Variants in PTPRN2 observed in about 807,000 individuals in gnomAD.
PTPRN2 encodes the protein protein tyrosine phosphatase receptor type N2.
A neutral mutation model predicts 118.8 loss-of-function variants in PTPRN2; 74 were observed. The observed-to-expected ratio is 0.62, with a 90% CI of 0.52 to 0.76. PTPRN2 has a LOEUF of 0.76. Among genes scored for constraint, PTPRN2 ranks in the 30% least tolerant of loss-of-function variants. The pLI is 0.00. For synonymous variants in PTPRN2, 641 were observed against 608.0 expected (o/e 1.05, Z -0.80); for missense variants, 1,481 against 1,394.4 (o/e 1.06, Z -0.99).
intron 12 of PTPRN2, among the ~76,000 whole-genome samples, chr7:157,699,763 G>T (rs1225835870): frequency 6.6e-6 from 1 of 152,178 alleles, no homozygotes; most frequent in Non-Finnish European, 1.5e-5. Flanking sequence ...TGCGGAGCAG[G>T]TTCAGGGTAA....
At chr7:158,414,799 A>G (rs573219920) in intron 2 of PTPRN2, among the ~76,000 whole-genome samples, 31 of 152,334 alleles carry the variant, frequency 2.0e-4, no homozygotes, top group African/African-American at 6.3e-4. Flanking sequence ...AAGCTTCCGG[A>G]GCATCTCCAT....
Position 157,868,098 on chromosome 7 carries a change from T to A in PTPRN2, c.1788+30575A>T. ...CTGGGCAAGAGGCCCACATGCACCT[T>A]AGAAAGGGCCCGAAACAGTTCACGA... is the stretch of plus-strand genomic sequence containing the variant. On this transcript the variant is annotated intron_variant, in intron 12 of 22. Coordinates refer to ENST00000389418, the MANE Select transcript of PTPRN2 (RefSeq NM_002847.5). The surrounding 1 kb of genome is among the most constrained non-coding windows in gnomAD (Gnocchi z 5.2). 6.6e-6 allele frequency among the ~76,000 whole-genome samples: 1 copy of A among 152,272 alleles called. No individual in the cohort carries two copies. The highest frequency in any genetic ancestry group is 3.4e-3 in the Middle Eastern group (1 of 294).
chr7:157,621,687 C>T (rs578169735), intron 14 of PTPRN2, among the ~76,000 whole-genome samples, 178 bp from the exon 15 acceptor site: 4 of 152,370 alleles, frequency 2.6e-5, no homozygotes, highest in South Asian at 4.1e-4. Context: ...ACCATGCAAC[C>T]GTTAAGTGAA....
chr7:158,116,786 C>T (rs1292208205), intron 9 of PTPRN2, among the ~76,000 whole-genome samples: 2 of 152,096 alleles, frequency 1.3e-5, no homozygotes, highest in African/African-American at 2.4e-5. Context: ...AAATTAAAGA[C>T]CAGAATATTC....
At position 157,540,412 on chromosome 7, in the gene PTPRN2, G is replaced by A. The variant is rs987076024; in HGVS notation, c.*302C>T. On this transcript the variant is annotated 3_prime_UTR_variant, in exon 23 of 23. Coordinates refer to ENST00000389418, the MANE Select transcript of PTPRN2 (RefSeq NM_002847.5). ...CCTCGAACGTGCTGGCTACTGCATTGTTAACACAACTTCAACCAAGAAGGT... is the reference window on the plus strand; with the variant it reads ...CCTCGAACGTGCTGGCTACTGCATTATTAACACAACTTCAACCAAGAAGGT... The A allele has an allele frequency of 3.6e-6, 1 of 274,108 alleles. No individual in the cohort carries two copies. The highest frequency in any genetic ancestry group is 6.9e-6 in the Non-Finnish European group (1 of 144,640). The allele number at this position is 274,108 out of a possible 1,614,324, so 17.0% of individuals were successfully genotyped here. A position where few individuals can be genotyped will look rare whatever the true frequency, so the allele number is the denominator to read the frequency against.
chr7:157,928,099 A>G (rs1309930448), intron 11 of PTPRN2, among the ~76,000 whole-genome samples: 1 of 152,200 alleles, frequency 6.6e-6, no homozygotes, highest in African/African-American at 2.4e-5. Context: ...GCACTGTTGC[A>G]GCACTTTATG....
At chr7:158,455,914 C>A (rs879616976) in intron 2 of PTPRN2, among the ~76,000 whole-genome samples, 9 of 147,632 alleles carry the variant, frequency 6.1e-5, no homozygotes, top group Non-Finnish European at 1.2e-4. Flanking sequence ...AACATAACAG[C>A]ATGGACGCCA....
rs533324066 is a variant in PTPRN2, at chr7:158,268,287, G to A, written c.277+48532C>T. Among the ~76,000 whole-genome samples, 16 of 139,592 alleles carry A rather than the reference G, an allele frequency of 1.1e-4. No homozygotes were observed. The South Asian group carries it at 1.7e-3, about 15-fold the overall frequency. 91.6% of individuals were successfully genotyped at this position (139,592 alleles called of 152,430 possible). ...GGGTGTGAAATATCCCAGCCCAGAC[G>A]CGTGCACACGGGGCGGGTGTGAAAT... On this transcript the variant is annotated intron_variant, in intron 3 of 22. Coordinates refer to ENST00000389418, the MANE Select transcript of PTPRN2 (RefSeq NM_002847.5).
chr7:157,738,111 TCG>T (rs1177104419), intron 12 of PTPRN2, among the ~76,000 whole-genome samples: 1 of 152,226 alleles, frequency 6.6e-6, no homozygotes, highest in African/African-American at 2.4e-5. Flanking sequence ...TTAAGGCCTC[TCG>T]GTATTATACT....
At chr7:158,289,318 G>A (rs1799959107) in intron 3 of PTPRN2, among the ~76,000 whole-genome samples, 2 of 151,778 alleles carry the variant, frequency 1.3e-5, no homozygotes, top group African/African-American at 4.8e-5. Context: ...TGATCTTTTG[G>A]TGTTATCTCA....
chr7:157,685,798 C>A (rs1239256116), intron 12 of PTPRN2, among the ~76,000 whole-genome samples: 1 of 152,184 alleles, frequency 6.6e-6, no homozygotes, highest in Non-Finnish European at 1.5e-5. Flanking sequence ...CCCGGGTCCC[C>A]GCTGGGTCCC....
At position 157,825,350 on chromosome 7, in the gene PTPRN2, C is replaced by T. The variant is rs558389954; in HGVS notation, c.1788+73323G>A. Among the ~76,000 whole-genome samples, 12 of 152,240 alleles carry T rather than the reference C, an allele frequency of 7.9e-5. No individual in the cohort carries two copies. The South Asian group carries it at 1.7e-3, about 21-fold the overall frequency. On this transcript the variant is annotated intron_variant, in intron 12 of 22. Coordinates refer to ENST00000389418, the MANE Select transcript of PTPRN2 (RefSeq NM_002847.5). ...AGCAGCTCAGGGCTGAGGGCTGGAG[C>T]GGCAGGAGTAGAACACCTTGTTTCT...
rs1465673775 is a variant in PTPRN2 at position 157,619,895 on chromosome 7, C to T, written c.2344+1467G>A. 9.2e-5 allele frequency among the ~76,000 whole-genome samples: 14 copies of T among 152,272 alleles called. No homozygotes were observed. In the East Asian group the frequency reaches 1.7e-3, roughly 19 times the overall value. Reference sequence around the variant, plus strand: ...ACCAGTCTGATCCCTTGACCGGCTCCGAAGGGTTGAGGCAGGGACACAGTG... The same window carrying T: ...ACCAGTCTGATCCCTTGACCGGCTCTGAAGGGTTGAGGCAGGGACACAGTG... On this transcript the variant is annotated intron_variant, in intron 15 of 22. Coordinates refer to ENST00000389418, the MANE Select transcript of PTPRN2 (RefSeq NM_002847.5). This position sits in a 1 kb window ranked among gnomAD's most constrained non-coding sequence, Gnocchi z 5.3.
At chr7:157,737,415 G>C (rs1189205944) in intron 12 of PTPRN2, among the ~76,000 whole-genome samples, 1 of 152,258 alleles carries the variant, frequency 6.6e-6, no homozygotes, top group Non-Finnish European at 1.5e-5. Flanking sequence ...CACGTGTGCT[G>C]TGAGTGAGCC....
At chr7:158,138,589 G>T in intron 6 of PTPRN2, 74 bp from the exon 7 acceptor site, 1 of 1,424,452 alleles carries the variant, frequency 7.0e-7, no homozygotes, top group Admixed American at 1.8e-5. Flanking sequence ...AGACCATAGG[G>T]GTGTGGTGGG....
chr7:157,891,986 G>C (rs1796836227), intron 12 of PTPRN2, among the ~76,000 whole-genome samples: 1 of 152,218 alleles, frequency 6.6e-6, no homozygotes, highest in Admixed American at 6.5e-5. Context: ...TCCTGAGCCT[G>C]CAGGGGCTCT....
chr7:158,156,630 C>T (rs1821843923), intron 6 of PTPRN2, among the ~76,000 whole-genome samples: 1 of 152,218 alleles, frequency 6.6e-6, no homozygotes, highest in Non-Finnish European at 1.5e-5. Context: ...CATGATCAGA[C>T]CCAAAGCAAA....
At chr7:158,277,922 C>T (rs536869702) in intron 3 of PTPRN2, among the ~76,000 whole-genome samples, 21 of 152,176 alleles carry the variant, frequency 1.4e-4, no homozygotes, top group Non-Finnish European at 2.6e-4. Context: ...CTCAGCCGGG[C>T]AGGACCACCA....
At chr7:158,514,331 G>A (rs577947598) in intron 1 of PTPRN2, among the ~76,000 whole-genome samples, 3 of 152,310 alleles carry the variant, frequency 2.0e-5, no homozygotes, top group African/African-American at 4.8e-5. Context: ...AGGGAGTGAC[G>A]GAGAATGCAC....
Sources: allele counts gnomAD v4.1 joint callset (sites outside exome capture counted in the v4.1 genomes callset), GRCh38; gene constraint gnomAD v4.1.1; non-coding constraint Gnocchi (gnomAD v3.1); transcripts MANE v1.5; gene names NCBI Gene and HGNC (gene_info 2026-07-23, HGNC 2026-07-21).